ANKS1B: variants seen among roughly 807,000 people sequenced by gnomAD.
The protein encoded by ANKS1B is ankyrin repeat and sterile alpha motif domain-containing protein 1B.
A neutral mutation model predicts 148.3 loss-of-function variants in ANKS1B; 36 were observed. The ratio of observed to expected loss-of-function variants is 0.24; its 90% confidence interval spans 0.19 to 0.32. The LOEUF is 0.32. ANKS1B is among the 10% of genes least tolerant of loss of function. The pLI is 1.00. For synonymous variants in ANKS1B, 542 were observed against 560.8 expected (o/e 0.97, Z 0.47); for missense variants, 1,157 against 1,542.6 (o/e 0.75, Z 4.19).
intron 17 of ANKS1B, among the ~76,000 whole-genome samples, chr12:98,917,480 A>G (rs1439274706): frequency 6.6e-6 from 1 of 152,152 alleles, no homozygotes; most frequent in Non-Finnish European, 1.5e-5. Context: ...TTGGTCCTTC[A>G]GTGCCCTAGC....
chr12:98,901,248 G>A (rs1187280098), intron 17 of ANKS1B, among the ~76,000 whole-genome samples: 2 of 152,212 alleles, frequency 1.3e-5, no homozygotes. Context: ...TAAACCTGGA[G>A]CTGAGGACAG....
intron 8 of ANKS1B, among the ~76,000 whole-genome samples, chr12:99,656,236 G>A (rs775751969): frequency 6.6e-6 from 1 of 152,036 alleles, no homozygotes; most frequent in Non-Finnish European, 1.5e-5. Context: ...TAGACAACAT[G>A]GCAGCACGGT....
intron 17 of ANKS1B, among the ~76,000 whole-genome samples, chr12:98,954,741 G>A (rs2153095154): frequency 6.6e-6 from 1 of 152,264 alleles, no homozygotes; most frequent in South Asian, 2.1e-4. Flanking sequence ...GTTCTTAAAA[G>A]CTCTAAGACT....
chr12:99,907,812 TAA>T (rs751468199), intron 1 of ANKS1B, among the ~76,000 whole-genome samples: 34,420 of 100,090 alleles, frequency 0.34, 5,526 homozygotes, highest in Middle Eastern at 0.4. Flanking sequence ...GAGAAATTCT[TAA>T]AAAAAAAAAA....
intron 1 of ANKS1B, among the ~76,000 whole-genome samples, chr12:99,953,736 A>G (rs1028934413): frequency 6.6e-6 from 1 of 152,194 alleles, no homozygotes; most frequent in Non-Finnish European, 1.5e-5. Context: ...GCAGAGGTTC[A>G]TCTTAGAAAA....
Position 99,194,374 on chromosome 12 carries a change from G to T in ANKS1B, c.2420-39979C>A, listed in dbSNP as rs553183107. Among the ~76,000 whole-genome samples the T allele has an allele frequency of 7.2e-5, 11 of 152,056 alleles. No homozygotes were observed. In the South Asian group the frequency reaches 2.3e-3, roughly 32 times the overall value. ...TTTGAGGGGTCACAGATGTGCTGGT[G>T]CTTTCCTTGACACAACTTTCTCTTA... On this transcript the variant is annotated intron_variant, in intron 14 of 26. Coordinates refer to ENST00000683438, the MANE Select transcript of ANKS1B (RefSeq NM_001352186.2).
At chr12:99,937,666 A>T (rs2094813723) in intron 1 of ANKS1B, among the ~76,000 whole-genome samples, 1 of 152,144 alleles carries the variant, frequency 6.6e-6, no homozygotes, top group Non-Finnish European at 1.5e-5. Flanking sequence ...TGCTACACTG[A>T]TTTAACAAGG....
At chr12:99,156,421 C>T (rs1352122926) in intron 14 of ANKS1B, among the ~76,000 whole-genome samples, 2 of 152,140 alleles carry the variant, frequency 1.3e-5, no homozygotes, top group African/African-American at 2.4e-5. Flanking sequence ...GTTTTGATTA[C>T]TACTCCCTGT....
chr12:99,187,495 T>G (rs2153873845), intron 14 of ANKS1B, among the ~76,000 whole-genome samples: 1 of 152,322 alleles, frequency 6.6e-6, no homozygotes, highest in East Asian at 1.9e-4. Context: ...CGTATCTGTC[T>G]GCAGAAACCT....
At chr12:99,103,663 C>T (rs569354151) in intron 15 of ANKS1B, among the ~76,000 whole-genome samples, 1 of 152,244 alleles carries the variant, frequency 6.6e-6, no homozygotes, top group South Asian at 2.1e-4. Context: ...TCTTCTTCAA[C>T]TTTTTGACTC....
intron 14 of ANKS1B, among the ~76,000 whole-genome samples, chr12:99,197,639 T>G (rs999213058): frequency 5.9e-5 from 9 of 152,120 alleles, no homozygotes; most frequent in African/African-American, 1.9e-4. Context: ...ACCAGAAATA[T>G]GGCAATGTGA....
chr12:98,803,541 T>C (rs1275242216), intron 20 of ANKS1B, among the ~76,000 whole-genome samples: 1 of 152,208 alleles, frequency 6.6e-6, no homozygotes, highest in Non-Finnish European at 1.5e-5. Flanking sequence ...TTTGATCCAG[T>C]GTCTGCTGAT....
chr12:99,409,523 C>A (rs1013449714), intron 11 of ANKS1B, among the ~76,000 whole-genome samples: 4 of 151,644 alleles, frequency 2.6e-5, no homozygotes, highest in Admixed American at 6.6e-5. Context: ...ATGGGTAATA[C>A]AAAGAAAGGA....
chr12:99,664,030 T>TA (rs1218526517), intron 8 of ANKS1B, among the ~76,000 whole-genome samples: 1 of 152,110 alleles, frequency 6.6e-6, no homozygotes, highest in Non-Finnish European at 1.5e-5. Context: ...CCTTACCTAG[T>TA]AATTAATACT....
At chr12:99,890,373 T>TC (rs1565936083) in intron 1 of ANKS1B, among the ~76,000 whole-genome samples, 2 of 152,124 alleles carry the variant, frequency 1.3e-5, no homozygotes, top group Non-Finnish European at 2.9e-5. Flanking sequence ...GAATTCTGCT[T>TC]CCCAAATGCA....
At position 99,899,985 on chromosome 12, in the gene ANKS1B, G is replaced by A. The variant is rs568762828; in HGVS notation, c.135-74596C>T. Among the ~76,000 whole-genome samples, 8 of 151,330 alleles carry A rather than the reference G, an allele frequency of 5.3e-5. No homozygotes were observed. The East Asian group carries it at 9.9e-4, about 19-fold the overall frequency. On this transcript the variant is annotated intron_variant, in intron 1 of 26. Transcript: ENST00000683438. ...ACGATCTCGGCTCACTGCAACCTCC[G>A]CTTCCCGGGTTCAAGCGATTCTCCT...
chr12:99,471,447 T>C (rs866853379), intron 10 of ANKS1B, among the ~76,000 whole-genome samples: 4 of 152,052 alleles, frequency 2.6e-5, no homozygotes, highest in Non-Finnish European at 5.9e-5. Context: ...AAGTTTTGTG[T>C]ACATCTTAAG....
chr12:99,625,459 C>T (rs1339396874), intron 9 of ANKS1B, among the ~76,000 whole-genome samples: 1 of 152,080 alleles, frequency 6.6e-6, no homozygotes, highest in African/African-American at 2.4e-5. Flanking sequence ...TCTTTACTTG[C>T]CATTGTTTGT....
chr12:99,494,662 G>A (rs1353030678), intron 10 of ANKS1B, among the ~76,000 whole-genome samples: 1 of 150,076 alleles, frequency 6.7e-6, no homozygotes, highest in Non-Finnish European at 1.5e-5. Flanking sequence ...GAACCTGGGA[G>A]GCGGAGCTTG....
Sources: gnomAD v4.1 joint callset for allele counts (sites outside exome capture counted in the v4.1 genomes callset) on GRCh38, gnomAD v4.1.1 for gene constraint, MANE v1.5 for transcripts, NCBI Gene and HGNC (gene_info 2026-07-23, HGNC 2026-07-21) for gene names.